NUP98: variants seen among roughly 807,000 people sequenced by gnomAD.
The protein encoded by NUP98 is nucleoporin 98 and 96 precursor.
In NUP98, 26 loss-of-function variants were observed where a neutral mutation model predicts 191.9. The observed-to-expected ratio is 0.14, with a 90% CI of 0.10 to 0.19. The LOEUF (loss-of-function observed/expected upper bound fraction) is 0.19, where lower values mean the gene tolerates loss of function less well. Among genes scored for constraint, NUP98 ranks in the 10% least tolerant of loss-of-function variants. The probability of loss-of-function intolerance (pLI) is 1.00; values close to 1 mark genes in which losing one functional copy is unlikely to be tolerated. For missense variants in NUP98, 1,941 were observed against 2,178.8 expected (o/e 0.89, Z 2.17); for synonymous variants, 808 against 778.4 (o/e 1.04, Z -0.63).
intron 20 of NUP98, 134 bp from the exon 21 acceptor site, chr11:3,706,761 TAGC>T: frequency 1.2e-6 from 1 of 821,424 alleles, no homozygotes; most frequent in South Asian, 1.8e-5. Context: ...TGAGGTAAGG[TAGC>T]AGATTTGCTA....
At chr11:3,769,578 A>AG (rs2081451979) in intron 7 of NUP98, among the ~76,000 whole-genome samples, 1 of 148,128 alleles carries the variant, frequency 6.8e-6, no homozygotes, top group African/African-American at 2.5e-5. Context: ...TCTGTCTCAA[A>AG]AAAAAAAAAA....
chr11:3,778,799 AACGGAGAAAAGACAAC>A lies in NUP98; in HGVS notation c.355+58_355+73del, dbSNP rs576661885. 2,093 of 1,466,430 alleles carry A rather than the reference AACGGAGAAAAGACAAC, an allele frequency of 1.4e-3. 50 individuals are homozygous for A. In the Admixed American group the frequency reaches 0.038, roughly 27 times the overall value. The allele number at this position is 1,466,430 out of a possible 1,614,324, so 90.8% of individuals were successfully genotyped here. A position where few individuals can be genotyped will look rare whatever the true frequency, so the allele number is the denominator to read the frequency against. ...AAAAGAAGGTAGATGAACACAGAAA[AACGGAGAAAAGACAAC>A]ACATTCAATAAGCAAACCAAATTAT... On this transcript the variant is annotated intron_variant, in intron 4 of 32. Transcript: ENST00000324932.
rs1467418312 is a variant in NUP98, at chr11:3,675,258, A to T, written c.*901T>A. The T allele has an allele frequency of 4.6e-6, 1 of 219,394 alleles. No individual in the cohort carries two copies. The highest frequency in any genetic ancestry group is 9.2e-6 in the Non-Finnish European group (1 of 109,144). The allele number at this position is 219,394 out of a possible 1,614,324, so 13.6% of individuals were successfully genotyped here. A position where few individuals can be genotyped will look rare whatever the true frequency, so the allele number is the denominator to read the frequency against. On this transcript the variant is annotated 3_prime_UTR_variant, in exon 33 of 33. Coordinates refer to ENST00000324932, the MANE Select transcript of NUP98 (RefSeq NM_016320.5). The stretch of plus-strand genomic sequence containing the variant: ...AGCAAAGGCCCTCTGCCTGCCCCTA[A>T]CGCCCAACTCCATGCCTGCCTCAGT...
In NUP98 at chr11:3,700,827, G is replaced by T; in HGVS notation, c.3525C>A (p.Ser1175=). ...GTTTTTCTAAGTGAACTTTGAATGG[G>T]GACTCAGTTAGGCTACAAGAGCAAA... is the stretch of plus-strand genomic sequence containing the variant. The part of the protein sequence containing the change: ...NPVAVKPLTE[S]PFKVHLEKLS... The change falls in exon 24 of 33, where the codon TCC becomes TCA. Residue 1175 remains serine (S), a synonymous_variant. Transcript: ENST00000324932. 6.2e-7 allele frequency: 1 copy of T among 1,612,614 alleles called. No homozygotes were observed. The highest frequency in any genetic ancestry group is 8.5e-7 in the Non-Finnish European group (1 of 1,179,072).
intron 1 of NUP98, among the ~76,000 whole-genome samples, chr11:3,792,155 G>A (rs1009983465): frequency 3.6e-5 from 4 of 112,066 alleles, no homozygotes; most frequent in African/African-American, 1.1e-4. Context: ...CTCCAGCCCA[G>A]GTGACAGAGT....
At chr11:3,768,478 G>A (rs986349574) in intron 8 of NUP98, 103 bp downstream of exon 8, 5 of 983,366 alleles carry the variant, frequency 5.1e-6, no homozygotes, top group South Asian at 3.2e-5. Context: ...CAACTCTTAA[G>A]ATTTGCAGTA....
intron 14 of NUP98, among the ~76,000 whole-genome samples, chr11:3,726,211 T>TA (rs970588985): frequency 4.2e-4 from 62 of 146,130 alleles, no homozygotes; most frequent in East Asian, 4.0e-3. Flanking sequence ...AACAAAAACA[T>TA]AAAAAAAAAG....
chr11:3,778,887 G>A lies in NUP98; in HGVS notation c.341C>T (p.Pro114Leu). ...GTCCCACTTACTGCCAAAGCCAGTT[G>A]GTTTATTTTGTGCAAAGGCATTGTT... is the stretch of plus-strand genomic sequence containing the variant. ...SQNNAFAQNK[P>L]TGFGNFGTST... The change falls in exon 4 of 33, where the codon CCA becomes CTA. Residue 114 changes from proline (P) to leucine (L), a missense_variant. Transcript: ENST00000324932. 6.2e-7 allele frequency: 1 copy of A among 1,613,936 alleles called. No homozygotes were observed. The highest frequency in any genetic ancestry group is 8.5e-7 in the Non-Finnish European group (1 of 1,179,948).
chr11:3,797,146 G>C (rs1484281299), intron 1 of NUP98, among the ~76,000 whole-genome samples: 2 of 152,246 alleles, frequency 1.3e-5, no homozygotes, highest in Non-Finnish European at 2.9e-5. Flanking sequence ...ACACCCACTC[G>C]CGTGGGCAGC....
chr11:3,729,715 CAAAAAAAAAAAAAAAAA>C (rs755816362), intron 14 of NUP98, among the ~76,000 whole-genome samples: 2 of 37,416 alleles, frequency 5.3e-5, no homozygotes, highest in Non-Finnish European at 1.1e-4. Flanking sequence ...ACTCTTGCCT[CAAAAAAAAAAAAAAAAA>C]AAAAAAAAAG....
chr11:3,696,507 A>G (rs7128530), intron 25 of NUP98, among the ~76,000 whole-genome samples: 21,374 of 151,396 alleles, frequency 0.14, 1,624 homozygotes, highest in African/African-American at 0.18. Flanking sequence ...GTCTTGGTGC[A>G]GGGGGGAGGG....
At chr11:3,772,611 T>G (rs1011427090) in intron 6 of NUP98, among the ~76,000 whole-genome samples, 1 of 151,548 alleles carries the variant, frequency 6.6e-6, no homozygotes, top group Non-Finnish European at 1.5e-5. Flanking sequence ...AGGCCAGGGT[T>G]CAAGAACAGC....
At chr11:3,784,558 A>T (rs1223470211) in intron 1 of NUP98, among the ~76,000 whole-genome samples, 2 of 150,434 alleles carry the variant, frequency 1.3e-5, no homozygotes, top group Admixed American at 1.3e-4. Flanking sequence ...CTTGGACAAC[A>T]CAGCAAGACT....
intron 18 of NUP98, among the ~76,000 whole-genome samples, chr11:3,718,059 C>T (rs1045279794): frequency 6.6e-6 from 1 of 152,132 alleles, no homozygotes; most frequent in African/African-American, 2.4e-5. Flanking sequence ...TCTTTGGTTA[C>T]TGAATAAGGT....
At chr11:3,788,435 T>C (rs1382535192) in intron 1 of NUP98, among the ~76,000 whole-genome samples, 1 of 152,026 alleles carries the variant, frequency 6.6e-6, no homozygotes, top group Non-Finnish European at 1.5e-5. Flanking sequence ...AAACCCCCTG[T>C]CTCTACTAAT....
At chr11:3,766,260 A>G (rs2081335811) in intron 8 of NUP98, among the ~76,000 whole-genome samples, 2 of 152,060 alleles carry the variant, frequency 1.3e-5, no homozygotes, top group Admixed American at 1.3e-4. Context: ...CTGTAGTCCC[A>G]GCTACTTGGG....
intron 14 of NUP98, among the ~76,000 whole-genome samples, chr11:3,729,440 G>A (rs893992983): frequency 7.3e-5 from 11 of 151,154 alleles, no homozygotes; most frequent in Non-Finnish European, 2.9e-5. Flanking sequence ...ATAGGTAGCT[G>A]GGCGTGGTAG....
At chr11:3,738,735 G>C (rs1309064062) in intron 12 of NUP98, among the ~76,000 whole-genome samples, 1 of 122,516 alleles carries the variant, frequency 8.2e-6, no homozygotes, top group Non-Finnish European at 1.6e-5. Context: ...CCAAGATGGT[G>C]CCACAGCACT....
chr11:3,712,124 A>T (rs2079038046), intron 20 of NUP98: 5 of 1,057,400 alleles, frequency 4.7e-6, no homozygotes, highest in Admixed American at 1.1e-4. Flanking sequence ...AAACAACTTT[A>T]AAAAAATGGA....
Sources: gnomAD v4.1 joint callset for allele counts (sites outside exome capture counted in the v4.1 genomes callset) on GRCh38, gnomAD v4.1.1 for gene constraint, MANE v1.5 for transcripts, NCBI Gene and HGNC (gene_info 2026-07-23, HGNC 2026-07-21) for gene names.